SNTG1: variants seen among roughly 807,000 people sequenced by gnomAD.
SNTG1 encodes the protein gamma-1-syntrophin.
In SNTG1, 39 loss-of-function variants were observed where a neutral mutation model predicts 74.7. The ratio of observed to expected loss-of-function variants is 0.52; its 90% CI spans 0.40 to 0.68. The LOEUF (loss-of-function observed/expected upper bound fraction) is 0.68, where lower values mean the gene tolerates loss of function less well. Among genes scored for constraint, SNTG1 ranks in the 30% least tolerant of loss-of-function variants. SNTG1 has a pLI of 0.00. For missense variants in SNTG1, 685 were observed against 609.5 expected, an observed-to-expected ratio of 1.12 and a Z score of -1.30; for synonymous variants, 254 against 217.1, an observed-to-expected ratio of 1.17 and a Z score of -1.49.
intron 2 of SNTG1, among the ~76,000 whole-genome samples, chr8:50,250,899 C>T (rs2086618184): frequency 6.6e-6 from 1 of 151,982 alleles, no homozygotes; most frequent in South Asian, 2.1e-4. Flanking sequence ...CAAAACTCAG[C>T]AGTATAGGTA....
chr8:50,542,952 A>T (rs1480951888), intron 11 of SNTG1, among the ~76,000 whole-genome samples: 4 of 152,004 alleles, frequency 2.6e-5, no homozygotes, highest in African/African-American at 9.7e-5. Context: ...ATTGTTATTG[A>T]GTTGTTTGAG....
intron 2 of SNTG1, among the ~76,000 whole-genome samples, chr8:50,312,730 C>A (rs2090163089): frequency 6.7e-6 from 1 of 150,040 alleles, no homozygotes; most frequent in Non-Finnish European, 1.5e-5. Flanking sequence ...CAATTCCTAA[C>A]ATGCCTTCCA....
At chr8:50,692,898 C>G (rs868174196) in intron 15 of SNTG1, among the ~76,000 whole-genome samples, 1 of 152,230 alleles carries the variant, frequency 6.6e-6, no homozygotes, top group East Asian at 1.9e-4. Context: ...GTAGGCTCCA[C>G]CCAGTTCCAG....
chr8:50,771,578 T>C (rs903388710), intron 18 of SNTG1, among the ~76,000 whole-genome samples: 10 of 151,990 alleles, frequency 6.6e-5, no homozygotes, highest in Non-Finnish European at 7.4e-5. Context: ...AGAAAAGGCA[T>C]GTTTGGAAAG....
Position 50,643,345 on chromosome 8 carries a change from T to C in SNTG1, c.850-13564T>C, listed in dbSNP as rs573918941. Among the ~76,000 whole-genome samples the C allele has an allele frequency of 9.8e-5, 15 of 152,350 alleles. No individual in the cohort carries two copies. The South Asian group carries it at 3.1e-3, about 32-fold the overall frequency. ...TTCAATGTCTTGAAAGAAGCTTTTA[T>C]AGCCAGCCCTCTGTGGTGACAAATC... On this transcript the variant is annotated intron_variant, in intron 13 of 18. Coordinates refer to ENST00000642720, the MANE Select transcript of SNTG1 (RefSeq NM_018967.5).
rs200562154 is a variant in SNTG1, at chr8:50,041,560, A to AT, written c.-103+129337dup. Among the ~76,000 whole-genome samples the AT allele has an allele frequency of 5.3e-3, 812 of 152,094 alleles. 10 individuals are homozygous for AT. Among genetic ancestry groups the AT allele is most frequent in the African/African-American group, 0.018 (757 of 41,482 alleles). ...CTCAGTAGAACTTACGATTGTAAATATTTTTTTTCTTCTAAATCATCCTCT... is the reference window on the plus strand; with the variant it reads ...CTCAGTAGAACTTACGATTGTAAATATTTTTTTTTCTTCTAAATCATCCTCT... On this transcript the variant is annotated intron_variant, in intron 1 of 18. Coordinates refer to ENST00000642720, the MANE Select transcript of SNTG1 (RefSeq NM_018967.5).
At chr8:50,618,642 C>T (rs2094900316) in intron 13 of SNTG1, among the ~76,000 whole-genome samples, 1 of 152,174 alleles carries the variant, frequency 6.6e-6, no homozygotes, top group Admixed American at 6.5e-5. Context: ...TCTGGAGGCT[C>T]CGCTGTGGAA....
At chr8:50,644,265 C>A (rs549218357) in intron 13 of SNTG1, 1 of 152,250 alleles carries the variant, frequency 6.6e-6, no homozygotes, top group African/African-American at 2.4e-5. Context: ...ACAGTTGACC[C>A]TTGAACACTT....
At chr8:50,619,841 G>T (rs189282242) in intron 13 of SNTG1, among the ~76,000 whole-genome samples, 32 of 146,982 alleles carry the variant, frequency 2.2e-4, no homozygotes, top group Non-Finnish European at 4.0e-4. Flanking sequence ...ATAGACTCCT[G>T]ATTTAACCCC....
chr8:50,207,712 C>T (rs987907929), intron 2 of SNTG1, among the ~76,000 whole-genome samples: 1 of 152,054 alleles, frequency 6.6e-6, no homozygotes, highest in Admixed American at 6.6e-5. Context: ...TAGTGCTATA[C>T]ATTTCCCTCT....
intron 1 of SNTG1, among the ~76,000 whole-genome samples, chr8:50,099,647 C>A (rs2080051943): frequency 6.6e-6 from 1 of 152,070 alleles, no homozygotes; most frequent in South Asian, 2.1e-4. Context: ...TTCTCACTAG[C>A]ATTTGCTATC....
intron 11 of SNTG1, among the ~76,000 whole-genome samples, chr8:50,543,390 A>T (rs1368139192): frequency 6.6e-6 from 1 of 151,922 alleles, no homozygotes; most frequent in Non-Finnish European, 1.5e-5. Context: ...TTAATGAGAG[A>T]ATTGATTTCT....
intron 1 of SNTG1, among the ~76,000 whole-genome samples, chr8:49,951,614 G>C (rs1042908511): frequency 7.3e-5 from 11 of 151,490 alleles, no homozygotes; most frequent in African/African-American, 2.7e-4. Context: ...GTGGTGGGGT[G>C]GGGGGAGCGG....
At chr8:50,136,082 C>T (rs2081466168) in intron 1 of SNTG1, among the ~76,000 whole-genome samples, 2 of 152,138 alleles carry the variant, frequency 1.3e-5, no homozygotes, top group South Asian at 4.1e-4. Flanking sequence ...AGGACATGAT[C>T]TTGTTCCTTT....
intron 5 of SNTG1, among the ~76,000 whole-genome samples, chr8:50,442,474 C>A (rs2093366602): frequency 6.6e-6 from 1 of 152,012 alleles, no homozygotes; most frequent in Admixed American, 6.6e-5. Flanking sequence ...GCTCCCAGCC[C>A]TCCAGGCATC....
In SNTG1 at chr8:49,999,229, T is replaced by C. The variant is rs577911717; in HGVS notation, c.-103+86998T>C. 5.3e-5 allele frequency among the ~76,000 whole-genome samples: 8 copies of C among 152,288 alleles called. No homozygotes were observed. The South Asian group carries it at 1.2e-3, about 24-fold the overall frequency. On this transcript the variant is annotated intron_variant, in intron 1 of 18. Coordinates refer to ENST00000642720, the MANE Select transcript of SNTG1 (RefSeq NM_018967.5). Reference sequence around the variant, plus strand: ...TTTTCCTCTCAAACTTTTCTACTTTTCTTTAACGGTGCCCAGTTTCACAGT... The same window carrying C: ...TTTTCCTCTCAAACTTTTCTACTTTCCTTTAACGGTGCCCAGTTTCACAGT...
At chr8:50,355,706 G>C (rs2091798160) in intron 2 of SNTG1, among the ~76,000 whole-genome samples, 1 of 152,178 alleles carries the variant, frequency 6.6e-6, no homozygotes, top group South Asian at 2.1e-4. Context: ...ATTTATGCAA[G>C]AATCAGCTGT....
At chr8:50,470,621 G>A (rs192571827) in intron 8 of SNTG1, among the ~76,000 whole-genome samples, 1 of 152,290 alleles carries the variant, frequency 6.6e-6, no homozygotes, top group East Asian at 1.9e-4. Context: ...GAGCTTCGCA[G>A]TGAGTGTTAC....
At chr8:50,059,328 A>C (rs1308596898) in intron 1 of SNTG1, among the ~76,000 whole-genome samples, 1 of 152,110 alleles carries the variant, frequency 6.6e-6, no homozygotes, top group Admixed American at 6.6e-5. Flanking sequence ...TTGTTGTTTT[A>C]ACAGATTTAT....
Sources: allele counts gnomAD v4.1 joint callset (sites outside exome capture counted in the v4.1 genomes callset), GRCh38; gene constraint gnomAD v4.1.1; transcripts MANE v1.5; gene names NCBI Gene and HGNC (gene_info 2026-07-23, HGNC 2026-07-21).